Variants in NRXN1 observed in about 807,000 individuals in gnomAD.
The protein encoded by NRXN1 is neurexin 1.
A neutral mutation model predicts 150.9 loss-of-function variants in NRXN1; 39 were observed. The observed-to-expected ratio is 0.26, with a 90% CI of 0.20 to 0.34. The LOEUF (loss-of-function observed/expected upper bound fraction) is 0.34, where lower values mean the gene tolerates loss of function less well. NRXN1 is among the 10% of genes least tolerant of loss of function. NRXN1 has a pLI of 1.00. For missense variants in NRXN1, 1,815 were observed against 1,949.9 expected (o/e 0.93, Z 1.30); for synonymous variants, 924 against 757.0 (o/e 1.22, Z -3.62).
chr2:50,508,433 C>G (rs1471728854), intron 12 of NRXN1, among the ~76,000 whole-genome samples: 2 of 150,804 alleles, frequency 1.3e-5, no homozygotes, highest in Non-Finnish European at 3.0e-5. Flanking sequence ...AAAACTCTTT[C>G]TAAATTCAAT....
At chr2:50,066,979 A>T (rs1173003661) in intron 19 of NRXN1, among the ~76,000 whole-genome samples, 1 of 152,216 alleles carries the variant, frequency 6.6e-6, no homozygotes, top group African/African-American at 2.4e-5. Flanking sequence ...GGTGCAACTC[A>T]AGAGTTCTGT....
At chr2:50,880,013 A>G (rs1355458419) in intron 5 of NRXN1, among the ~76,000 whole-genome samples, 1 of 151,968 alleles carries the variant, frequency 6.6e-6, no homozygotes, top group Non-Finnish European at 1.5e-5. Flanking sequence ...AGTACTCTAT[A>G]CTAGCAGTAG....
intron 17 of NRXN1, among the ~76,000 whole-genome samples, chr2:50,395,084 T>A (rs959839936): frequency 1.3e-5 from 2 of 152,098 alleles, no homozygotes; most frequent in African/African-American, 4.8e-5. Context: ...CTTTTCTTCA[T>A]AGGTATTATA....
chr2:50,563,588 C>T (rs1669429593), intron 8 of NRXN1, among the ~76,000 whole-genome samples: 1 of 152,104 alleles, frequency 6.6e-6, no homozygotes. Flanking sequence ...TTAATGGTGG[C>T]TCTTTTCTAG....
chr2:49,953,381 G>T (rs1674325583), intron 21 of NRXN1, among the ~76,000 whole-genome samples: 1 of 152,064 alleles, frequency 6.6e-6, no homozygotes, highest in African/African-American at 2.4e-5. Flanking sequence ...ATGTTATCTT[G>T]TTCATGTGCT....
chr2:50,259,171 AAAG>A (rs775403776), intron 17 of NRXN1, among the ~76,000 whole-genome samples: 10 of 152,018 alleles, frequency 6.6e-5, no homozygotes, highest in Admixed American at 2.6e-4. Context: ...TTCAGCTGTG[AAAG>A]AAGAAGATAC....
At chr2:50,711,637 C>G in intron 5 of NRXN1, among the ~76,000 whole-genome samples, 1 of 151,868 alleles carries the variant, frequency 6.6e-6, no homozygotes, top group Non-Finnish European at 1.5e-5. Context: ...CACCTGGGCT[C>G]AGGTAATGGA....
At chr2:49,951,789 A>G (rs1674007685) in intron 21 of NRXN1, among the ~76,000 whole-genome samples, 1 of 151,970 alleles carries the variant, frequency 6.6e-6, no homozygotes, top group Admixed American at 6.6e-5. Context: ...TAGTCCTATT[A>G]ATGGATTGGT....
At chr2:50,386,566 A>G (rs942017565) in intron 17 of NRXN1, among the ~76,000 whole-genome samples, 1 of 151,474 alleles carries the variant, frequency 6.6e-6, no homozygotes, top group Non-Finnish European at 1.5e-5. Flanking sequence ...ATGCCCAACA[A>G]GCAATAGAAC....
At chr2:50,623,767 C>A in intron 5 of NRXN1, 152 bp from the exon 6 acceptor site, 1 of 576,928 alleles carries the variant, frequency 1.7e-6, no homozygotes, top group Non-Finnish European at 3.0e-6. Context: ...CAGTACTGTA[C>A]AGGGCAGTAT....
chr2:50,994,373 G>A lies in NRXN1; in HGVS notation c.772+33129C>T, dbSNP rs574752692. On this transcript the variant is annotated intron_variant, in intron 2 of 22. Transcript: ENST00000401669. ...AAAAGAAAAAATACAGACTTAAATA[G>A]GGAGATAACTTATCCTCAAGTTTTC... Among the ~76,000 whole-genome samples, 3 of 152,060 alleles carry A rather than the reference G, an allele frequency of 2.0e-5. No individual in the cohort carries two copies. In the South Asian group the frequency reaches 6.2e-4, roughly 32 times the overall value.
chr2:50,358,718 C>T (rs145020250), intron 17 of NRXN1, among the ~76,000 whole-genome samples: 3 of 152,210 alleles, frequency 2.0e-5, no homozygotes, highest in African/African-American at 4.8e-5. Flanking sequence ...TGCAGCACAT[C>T]GCTGGAGCTC....
chr2:50,599,403 G>A (rs986346578), intron 8 of NRXN1, among the ~76,000 whole-genome samples: 27 of 152,170 alleles, frequency 1.8e-4, no homozygotes, highest in Admixed American at 1.8e-3. Context: ...ATGTTTACCT[G>A]TTGAAATCTG....
chr2:50,848,669 AATT>A (rs1038344449), intron 5 of NRXN1, among the ~76,000 whole-genome samples: 6 of 152,152 alleles, frequency 3.9e-5, no homozygotes, highest in African/African-American at 1.4e-4. Context: ...TTTTGCTTCA[AATT>A]ATTATATTTT....
At chr2:50,991,373 C>A (rs1429896445) in intron 2 of NRXN1, among the ~76,000 whole-genome samples, 1 of 152,030 alleles carries the variant, frequency 6.6e-6, no homozygotes, top group Non-Finnish European at 1.5e-5. Context: ...AAAGATCCAA[C>A]TGCAGTAGTA....
intron 18 of NRXN1, among the ~76,000 whole-genome samples, chr2:50,142,075 T>C (rs1266197525): frequency 2.0e-5 from 3 of 151,866 alleles, no homozygotes; most frequent in African/African-American, 7.3e-5. Flanking sequence ...AACAGGTAAA[T>C]GGATAAAGAA....
At chr2:50,462,636 G>A (rs1460765047) in intron 17 of NRXN1, among the ~76,000 whole-genome samples, 2 of 151,706 alleles carry the variant, frequency 1.3e-5, no homozygotes, top group Non-Finnish European at 3.0e-5. Context: ...TCAGTGAGTA[G>A]GTCACTTAGA....
Position 50,700,516 on chromosome 2 carries a change from A to G in NRXN1, c.833-76901T>C, listed in dbSNP as rs777383415. 7.9e-5 allele frequency among the ~76,000 whole-genome samples: 12 copies of G among 152,196 alleles called. 1 individual carries two copies. The highest frequency in any genetic ancestry group is 3.3e-4 in the Admixed American group (5 of 15,280). ...TAGGCATCCAAAATTTAAACCATCTATTTGATGATATTAAACTCAAAGTTG... is the reference window on the plus strand; with the variant it reads ...TAGGCATCCAAAATTTAAACCATCTGTTTGATGATATTAAACTCAAAGTTG... On this transcript the variant is annotated intron_variant, in intron 5 of 22. Transcript: ENST00000401669.
At chr2:50,635,229 C>G (rs908007843) in intron 5 of NRXN1, among the ~76,000 whole-genome samples, 6 of 151,848 alleles carry the variant, frequency 4.0e-5, no homozygotes, top group Admixed American at 2.0e-4. Flanking sequence ...GCGATCTCAG[C>G]TCACTGCAAC....
Sources: allele counts gnomAD v4.1 joint callset (sites outside exome capture counted in the v4.1 genomes callset), GRCh38; gene constraint gnomAD v4.1.1; transcripts MANE v1.5; gene names NCBI Gene and HGNC (gene_info 2026-07-23, HGNC 2026-07-21).